The following ZER1 variants were observed in gnomAD, a reference collection of about 807,000 sequenced individuals.
ZER1 encodes protein zer-1 homolog.
Under a neutral mutation model 78.8 loss-of-function variants are expected in ZER1, and 11 were observed. The observed-to-expected ratio is 0.14, with a 90% confidence interval of 0.09 to 0.23. The LOEUF is 0.23. ZER1 is among the 10% of genes least tolerant of loss of function. The pLI, the probability that ZER1 is intolerant of heterozygous loss-of-function variation, is 1.00. For missense variants in ZER1, 588 were observed against 996.9 expected (o/e 0.59, Z 5.52); for synonymous variants, 400 against 407.0 (o/e 0.98, Z 0.21).
chr9:128,759,670 C>A (rs1343284608), intron 1 of ZER1, among the ~76,000 whole-genome samples: 3 of 151,866 alleles, frequency 2.0e-5, no homozygotes, highest in Non-Finnish European at 2.9e-5. Flanking sequence ...TGGCACGCAC[C>A]TGTAGTCCCA....
chr9:128,770,283 C>A (rs765924881), intron 1 of ZER1, among the ~76,000 whole-genome samples: 13 of 152,188 alleles, frequency 8.5e-5, no homozygotes, highest in Non-Finnish European at 1.8e-4. Context: ...GCCACCACGG[C>A]CAGCTAATTT....
intron 1 of ZER1, among the ~76,000 whole-genome samples, chr9:128,770,268 C>A (rs1429455181): frequency 6.6e-6 from 1 of 152,108 alleles, no homozygotes; most frequent in Non-Finnish European, 1.5e-5. Flanking sequence ...GGATTACAGA[C>A]ATGAGCCACC....
intron 1 of ZER1, among the ~76,000 whole-genome samples, chr9:128,759,807 A>G (rs1863986550): frequency 6.6e-6 from 1 of 152,184 alleles, no homozygotes; most frequent in Non-Finnish European, 1.5e-5. Flanking sequence ...AAAAAAAGAA[A>G]AAAATTAATC....
chr9:128,756,651 T>A (rs1863869156), intron 1 of ZER1, among the ~76,000 whole-genome samples: 1 of 152,198 alleles, frequency 6.6e-6, no homozygotes, highest in South Asian at 2.1e-4. Context: ...AAAAAAGTCA[T>A]ATACCGTATG....
intron 9 of ZER1, 63 bp from the exon 10 acceptor site, chr9:128,741,904 C>T (rs1461535791): frequency 6.2e-7 from 1 of 1,608,062 alleles, no homozygotes; most frequent in East Asian, 2.2e-5. Flanking sequence ...CCCCACGAAC[C>T]CAAGATGGAG....
intron 1 of ZER1, among the ~76,000 whole-genome samples, chr9:128,767,432 G>A (rs776579420): frequency 7.9e-5 from 12 of 151,480 alleles, no homozygotes; most frequent in Non-Finnish European, 1.5e-4. Context: ...TTTTTGTAGC[G>A]ATGAGGGCTC....
chr9:128,737,764 G>A (rs1186089903), intron 13 of ZER1, among the ~76,000 whole-genome samples: 4 of 151,778 alleles, frequency 2.6e-5, no homozygotes, highest in African/African-American at 7.3e-5. Flanking sequence ...GTGCAGTGGC[G>A]AGTTCTTGGC....
chr9:128,771,335 G>C (rs1185692948), intron 1 of ZER1, among the ~76,000 whole-genome samples: 1 of 152,184 alleles, frequency 6.6e-6, no homozygotes, highest in African/African-American at 2.4e-5. Flanking sequence ...GGCCCTTTCA[G>C]CCCTACACCG....
At chr9:128,764,905 T>A (rs1300841541) in intron 1 of ZER1, among the ~76,000 whole-genome samples, 1 of 152,080 alleles carries the variant, frequency 6.6e-6, no homozygotes, top group Non-Finnish European at 1.5e-5. Flanking sequence ...ATCATGAACA[T>A]TCGACATCCT....
At position 128,740,368 on chromosome 9, in the gene ZER1, C is replaced by T. The variant is rs372373900; in HGVS notation, c.1854-249G>A. ...GTCAAGGCAGGTGGATCACGAGGTC[C>T]GGAGATCGAGACCATCCTGGCTAAC... On this transcript the variant is annotated intron_variant, in intron 12 of 15. Coordinates refer to ENST00000291900, the MANE Select transcript of ZER1 (RefSeq NM_006336.4). The surrounding 1 kb of genome is among the most constrained non-coding windows in gnomAD (Gnocchi z 4.4). Among the ~76,000 whole-genome samples the T allele has an allele frequency of 6.6e-6, 1 of 151,974 alleles. No homozygotes were observed. Among genetic ancestry groups the T allele is most frequent in the South Asian group, 2.1e-4 (1 of 4,804 alleles).
chr9:128,735,066 G>A (rs1040126107), intron 14 of ZER1, among the ~76,000 whole-genome samples: 1 of 34,800 alleles, frequency 2.9e-5, no homozygotes, highest in African/African-American at 4.2e-5. Flanking sequence ...ATTTTGGACT[G>A]TTCCTGCACA....
chr9:128,733,582 G>A (rs1368924128), intron 14 of ZER1, 54 bp from the exon 15 acceptor site: 21 of 1,532,978 alleles, frequency 1.4e-5, no homozygotes, highest in Admixed American at 9.0e-5. Context: ...TTATCAGCCC[G>A]AGGCCCAGAA....
In ZER1 at chr9:128,751,650, C is replaced by G; in HGVS notation, c.924-123G>C. On this transcript the variant is annotated intron_variant, in intron 5 of 15. Coordinates refer to ENST00000291900, the MANE Select transcript of ZER1 (RefSeq NM_006336.4). This position sits in a 1 kb window ranked among gnomAD's most constrained non-coding sequence, Gnocchi z 5.4. ...AGGCCCTCCAACCTCATCCCCTACTCCTTTTGTTTTTAATGGTAGGGGACA... is the reference window on the plus strand; with the variant it reads ...AGGCCCTCCAACCTCATCCCCTACTGCTTTTGTTTTTAATGGTAGGGGACA... 3 of 752,210 alleles carry G rather than the reference C, an allele frequency of 4.0e-6. No individual in the cohort carries two copies. The South Asian group carries it at 5.0e-5, about 12-fold the overall frequency. 46.6% of individuals were successfully genotyped at this position (752,210 alleles called of 1,614,324 possible). A position where few individuals can be genotyped will look rare whatever the true frequency, so the allele number is the denominator to read the frequency against.
At chr9:128,746,458 C>CTTT (rs759531558) in intron 8 of ZER1, among the ~76,000 whole-genome samples, 7 of 129,292 alleles carry the variant, frequency 5.4e-5, no homozygotes, top group South Asian at 2.4e-4. Context: ...TCTTCTTTTC[C>CTTT]TTTTTTTTTT....
At position 128,731,090 on chromosome 9, in the gene ZER1, T is replaced by G. The variant is rs1481863880; in HGVS notation, c.*247A>C. 3 of 189,024 alleles carry G rather than the reference T, an allele frequency of 1.6e-5. No individual in the cohort carries two copies. The highest frequency in any genetic ancestry group is 4.7e-5 in the African/African-American group (2 of 42,358). 11.7% of individuals were successfully genotyped at this position (189,024 alleles called of 1,614,324 possible). A position where few individuals can be genotyped will look rare whatever the true frequency, so the allele number is the denominator to read the frequency against. On this transcript the variant is annotated 3_prime_UTR_variant, in exon 16 of 16. Transcript: ENST00000291900. ...GGAAGCTGCAAGGACTCAGGAGTGT[T>G]GCTTTTGTTTTTGCACAGAAATCAT...
chr9:128,736,842 A>G (rs1352156945), intron 13 of ZER1, among the ~76,000 whole-genome samples: 2 of 151,966 alleles, frequency 1.3e-5, no homozygotes, highest in African/African-American at 2.4e-5. Context: ...TGCCTGGCTA[A>G]TTAAAAAAAA....
intron 1 of ZER1, among the ~76,000 whole-genome samples, chr9:128,757,534 A>G (rs2132462382): frequency 6.6e-6 from 1 of 152,162 alleles, no homozygotes. Flanking sequence ...AAAAAAAAAA[A>G]GAGTGAAAGA....
At chr9:128,760,750 G>A (rs1024311319) in intron 1 of ZER1, among the ~76,000 whole-genome samples, 10 of 151,066 alleles carry the variant, frequency 6.6e-5, no homozygotes, top group African/African-American at 2.2e-4. Flanking sequence ...CCAAGATTGC[G>A]CCACTGCACT....
In ZER1 at chr9:128,733,417, G is replaced by T. The variant is rs185301472; in HGVS notation, c.2243+9C>A. ...GGTTCCAGGCAGAAACACACTGCTGGTCTCTTACCGGGCCATTTCCTTGGT... is the reference window on the plus strand; with the variant it reads ...GGTTCCAGGCAGAAACACACTGCTGTTCTCTTACCGGGCCATTTCCTTGGT... On this transcript the variant is annotated intron_variant, in intron 15 of 15. Transcript: ENST00000291900. The T allele has an allele frequency of 6.2e-7, 1 of 1,613,136 alleles. No individual in the cohort carries two copies. Among genetic ancestry groups the T allele is most frequent in the South Asian group, 1.1e-5 (1 of 90,848 alleles).
Sources: allele counts gnomAD v4.1 joint callset (sites outside exome capture counted in the v4.1 genomes callset), GRCh38; gene constraint gnomAD v4.1.1; non-coding constraint Gnocchi (gnomAD v3.1); transcripts MANE v1.5; gene names NCBI Gene and HGNC (gene_info 2026-07-23, HGNC 2026-07-21).